BLTP1: variants seen among roughly 807,000 people sequenced by gnomAD.
BLTP1 encodes the protein bridge-like lipid transfer protein family member 1.
the BLTP1 span, chr4:122,226,409 A>G: frequency 1.8e-6 from 2 of 1,131,596 alleles, no homozygotes; most frequent in East Asian, 1.5e-4. Flanking sequence ...GAGGGAAGAT[A>G]TATAACCTTG....
the BLTP1 span, chr4:122,185,128 A>G: frequency 1.0e-6 from 1 of 983,344 alleles, no homozygotes; most frequent in Non-Finnish European, 1.2e-6. Flanking sequence ...ATATTCCTGT[A>G]GGAATGAAGT....
chr4:122,325,314 G>C, the BLTP1 span: 1 of 1,605,748 alleles, frequency 6.2e-7, no homozygotes, highest in Non-Finnish European at 8.5e-7. Flanking sequence ...TTAATATCCA[G>C]GATACAGTAA....
At chr4:122,157,881 AT>A in the BLTP1 span, among the ~76,000 whole-genome samples, 9 of 152,200 alleles carry the variant, frequency 5.9e-5, no homozygotes, top group African/African-American at 2.2e-4. Context: ...AATTAAAAAA[AT>A]ATTTTCTTTG....
the BLTP1 span, chr4:122,337,088 T>G: frequency 1.4e-6 from 2 of 1,383,968 alleles, no homozygotes; most frequent in Non-Finnish European, 2.0e-6. Flanking sequence ...TTTGAACATT[T>G]CAACATTATT....
the BLTP1 span, chr4:122,258,859 T>G: frequency 6.4e-7 from 1 of 1,556,254 alleles, no homozygotes; most frequent in Non-Finnish European, 8.8e-7. Context: ...TTATTGCTCT[T>G]TTTGGTTAGA....
chr4:122,280,968 A>G, the BLTP1 span, among the ~76,000 whole-genome samples: 1 of 152,212 alleles, frequency 6.6e-6, no homozygotes, highest in African/African-American at 2.4e-5. Context: ...AGAGTGTAGT[A>G]GTTGAAAAAT....
chr4:122,234,711 T>C, the BLTP1 span: 3 of 1,518,546 alleles, frequency 2.0e-6, no homozygotes, highest in Non-Finnish European at 2.6e-6. Flanking sequence ...TCAAAAAGTT[T>C]TTCATTTCTT....
the BLTP1 span, chr4:122,344,838 T>C: frequency 1.0e-6 from 1 of 984,982 alleles, no homozygotes; most frequent in Non-Finnish European, 1.2e-6. Flanking sequence ...TTCTCCACCA[T>C]GAATTGGTAC....
chr4:122,170,815 G>T, the BLTP1 span: 1 of 996,196 alleles, frequency 1.0e-6, no homozygotes, highest in South Asian at 1.7e-5. Context: ...ATTTTAAACA[G>T]TGGTTGACTG....
At chr4:122,271,557 A>T in the BLTP1 span, 4 of 1,613,412 alleles carry the variant, frequency 2.5e-6, no homozygotes. Flanking sequence ...GATGTGGTGG[A>T]TCACATGACT....
At chr4:122,258,841 A>C in the BLTP1 span, 3 of 1,596,956 alleles carry the variant, frequency 1.9e-6, no homozygotes, top group Non-Finnish European at 2.6e-6. Flanking sequence ...ATTAAAAATA[A>C]AGGTATATTA....
At chr4:122,334,291 AT>A in the BLTP1 span, 1 of 1,366,250 alleles carries the variant, frequency 7.3e-7, no homozygotes, top group Non-Finnish European at 1.0e-6. Context: ...ATATTTCTTG[AT>A]TTTCCTCATC....
chr4:122,313,972 T>C, the BLTP1 span: 39 of 878,366 alleles, frequency 4.4e-5, no homozygotes, highest in Non-Finnish European at 5.3e-5. Context: ...ATTTTTACAA[T>C]GTAGTTAAGG....
At chr4:122,344,410 C>A in the BLTP1 span, 1 of 1,613,850 alleles carries the variant, frequency 6.2e-7, no homozygotes, top group Non-Finnish European at 8.5e-7. Context: ...CCACTTCAGT[C>A]ACTGGTCGAA....
At chr4:122,175,022 A>G in the BLTP1 span, 6 of 940,462 alleles carry the variant, frequency 6.4e-6, no homozygotes, top group Non-Finnish European at 7.6e-6. Context: ...TAATAAGTTT[A>G]TAGAATTGTT....
At chr4:122,244,213 T>G in the BLTP1 span, 5,507 of 315,828 alleles carry the variant, frequency 0.017, 150 homozygotes, top group African/African-American at 0.08. Context: ...CTTAAAGAGG[T>G]CTGTGTTTCA....
the BLTP1 span, chr4:122,299,821 G>T: frequency 1.0e-6 from 1 of 984,882 alleles, no homozygotes; most frequent in Non-Finnish European, 1.2e-6. Flanking sequence ...TTGTAGATTT[G>T]AGTTAGGAGG....
the BLTP1 span, chr4:122,190,213 C>G: frequency 6.7e-6 from 8 of 1,185,540 alleles, no homozygotes; most frequent in Admixed American, 2.2e-4. Flanking sequence ...CCTCCTACTT[C>G]AGCCTCCTGA....
At chr4:122,223,351 T>C in the BLTP1 span, among the ~76,000 whole-genome samples, 1 of 152,174 alleles carries the variant, frequency 6.6e-6, no homozygotes, top group South Asian at 2.1e-4. Context: ...GTAATAAAAC[T>C]AGGTTGAGAA....
Sources: gnomAD v4.1 joint callset for allele counts (sites outside exome capture counted in the v4.1 genomes callset) on GRCh38, gnomAD v4.1.1 for gene constraint, MANE v1.5 for transcripts, NCBI Gene and HGNC (gene_info 2026-07-23, HGNC 2026-07-21) for gene names.